SEC11C: variants seen among roughly 807,000 people sequenced by gnomAD.
SEC11C encodes the protein SEC11 homolog C, signal peptidase complex subunit.
A neutral mutation model predicts 21.9 loss-of-function variants in SEC11C; 10 were observed. That is an observed-to-expected ratio of 0.46 (90% CI 0.28 to 0.77). SEC11C has a LOEUF of 0.77. SEC11C is among the 30% of genes least tolerant of loss of function. The probability of loss-of-function intolerance (pLI) is 0.12; values close to 1 mark genes in which losing one functional copy is unlikely to be tolerated. For missense variants in SEC11C, 145 were observed against 244.5 expected (o/e 0.59, Z 2.71); for synonymous variants, 83 against 85.6 (o/e 0.97, Z 0.17).
rs1158114455 is a variant in SEC11C, at chr18:59,155,589, ATGCTCC to A, written c.348-96_348-91del. The A allele has an allele frequency of 1.2e-5, 16 of 1,295,002 alleles. No homozygotes were observed. The Admixed American group carries it at 3.6e-4, about 29-fold the overall frequency. The allele number at this position is 1,295,002 out of a possible 1,614,324, so 80.2% of individuals were successfully genotyped here. The stretch of plus-strand genomic sequence containing the variant: ...AGGTTATCTTTGACTGTTTTTCTAA[ATGCTCC>A]TGTCTGACAGTAAAGTCTTGAGTAA... On this transcript the variant is annotated intron_variant, in intron 3 of 5. Coordinates refer to ENST00000587834, the MANE Select transcript of SEC11C (RefSeq NM_033280.4).
At chr18:59,140,306 G>C (rs1333498498) in intron 1 of SEC11C, among the ~76,000 whole-genome samples, 1 of 152,246 alleles carries the variant, frequency 6.6e-6, no homozygotes, top group Non-Finnish European at 1.5e-5. Context: ...GGTTGAGAAT[G>C]CCACAGCCAC....
chr18:59,149,472 T>C, intron 1 of SEC11C, 41 bp from the exon 2 acceptor site: 1 of 1,318,710 alleles, frequency 7.6e-7, no homozygotes, highest in Non-Finnish European at 1.1e-6. Flanking sequence ...GTGGATCTTC[T>C]GCTATTGGTT....
At chr18:59,143,979 G>C (rs2069242385) in intron 1 of SEC11C, among the ~76,000 whole-genome samples, 1 of 151,928 alleles carries the variant, frequency 6.6e-6, no homozygotes, top group Non-Finnish European at 1.5e-5. Context: ...AGCCTCCCGA[G>C]TAGCTGGGAT....
intron 1 of SEC11C, among the ~76,000 whole-genome samples, chr18:59,145,359 CA>C (rs1181725791): frequency 6.6e-6 from 1 of 152,194 alleles, no homozygotes; most frequent in Non-Finnish European, 1.5e-5. Context: ...GCCCTTTACA[CA>C]AAAATTTGCT....
chr18:59,144,262 C>A (rs1285977745), intron 1 of SEC11C, among the ~76,000 whole-genome samples: 1 of 152,144 alleles, frequency 6.6e-6, no homozygotes, highest in African/African-American at 2.4e-5. Context: ...TCTCAACCTG[C>A]CTTTAGTTTA....
At chr18:59,153,488 GTGTT>G (rs2069383080) in intron 3 of SEC11C, 1 of 152,098 alleles carries the variant, frequency 6.6e-6, no homozygotes, top group African/African-American at 2.4e-5. Context: ...GTGTGTGTGT[GTGTT>G]TGAGTTTGAG....
At chr18:59,146,076 A>G (rs2069272376) in intron 1 of SEC11C, among the ~76,000 whole-genome samples, 1 of 152,192 alleles carries the variant, frequency 6.6e-6, no homozygotes, top group African/African-American at 2.4e-5. Flanking sequence ...CAGAGAATGG[A>G]TCAGAAGAGG....
chr18:59,150,247 T>G lies in SEC11C; in HGVS notation c.197+625T>G, dbSNP rs368205305. Among the ~76,000 whole-genome samples, 7 of 152,182 alleles carry G rather than the reference T, an allele frequency of 4.6e-5. No homozygotes were observed. The East Asian group carries it at 9.6e-4, about 21-fold the overall frequency. On this transcript the variant is annotated intron_variant, in intron 2 of 5. Transcript: ENST00000587834. ...GCTTCAAGACGCTGTCGGTCCAGTG[T>G]GTCTTAGGTCATCAAATCTGTTGTT... is the stretch of plus-strand genomic sequence containing the variant.
At chr18:59,152,450 C>CTA (rs763551607) in intron 2 of SEC11C, 86 bp from the exon 3 acceptor site, 477 of 1,405,832 alleles carry the variant, frequency 3.4e-4, no homozygotes, top group Non-Finnish European at 4.3e-4. Flanking sequence ...ACCTACTTGA[C>CTA]TATTGAGTTT....
chr18:59,157,806 T>C (rs1306773859), intron 5 of SEC11C, 141 bp downstream of exon 5: 1 of 625,958 alleles, frequency 1.6e-6, no homozygotes, highest in African/African-American at 1.8e-5. Flanking sequence ...TACAAATTAA[T>C]GTAGTCATTT....
intron 2 of SEC11C, among the ~76,000 whole-genome samples, 165 bp from the exon 3 acceptor site, chr18:59,152,371 C>T (rs998620298): frequency 6.6e-6 from 1 of 152,092 alleles, no homozygotes; most frequent in Non-Finnish European, 1.5e-5. Context: ...AAGTCATTTC[C>T]TTTCGCACAT....
At chr18:59,153,215 A>G (rs2069379659) in intron 3 of SEC11C, 2 of 152,202 alleles carry the variant, frequency 1.3e-5, no homozygotes, top group African/African-American at 2.4e-5. Context: ...CTACTCCCCA[A>G]ACAGCCTTGC....
intron 1 of SEC11C, among the ~76,000 whole-genome samples, chr18:59,143,944 C>T (rs1239819963): frequency 4.6e-5 from 7 of 151,714 alleles, no homozygotes; most frequent in Non-Finnish European, 1.0e-4. Flanking sequence ...CTCCGCCTCC[C>T]GGGTTCAAGC....
chr18:59,143,863 T>TTTTC (rs1568063539), intron 1 of SEC11C, among the ~76,000 whole-genome samples: 100 of 151,992 alleles, frequency 6.6e-4, no homozygotes, highest in Middle Eastern at 6.8e-3. Flanking sequence ...TTCTTTTTTT[T>TTTTC]TTTTTTGAGA....
At chr18:59,146,351 G>A (rs1012553035) in intron 1 of SEC11C, among the ~76,000 whole-genome samples, 1 of 152,066 alleles carries the variant, frequency 6.6e-6, no homozygotes, top group Non-Finnish European at 1.5e-5. Flanking sequence ...TTGAGGATGG[G>A]GTATCTTTAA....
Position 59,152,587 on chromosome 18 carries a change from T to C in SEC11C, c.249T>C (p.Asn83=), listed in dbSNP as rs756519698. Residue 83 remains asparagine, a synonymous_variant, in exon 3 of 6, where the codon AAT becomes AAC. Transcript: ENST00000587834. ...FHRGDLLFLT[N]FREDPIRAGE... ...GAGGAGACCTCCTGTTCCTCACAAA[T>C]TTCCGGGAAGACCCAATCAGAGCTG... 1 of 1,613,164 alleles carries C rather than the reference T, an allele frequency of 6.2e-7. No individual in the cohort carries two copies. Among genetic ancestry groups the C allele is most frequent in the Admixed American group, 1.7e-5 (1 of 59,632 alleles).
At chr18:59,148,308 C>T (rs759185902) in intron 1 of SEC11C, among the ~76,000 whole-genome samples, 4 of 152,216 alleles carry the variant, frequency 2.6e-5, no homozygotes, top group African/African-American at 4.8e-5. Flanking sequence ...GCCACAGCAG[C>T]GTTAGTCCCT....
At position 59,149,574 on chromosome 18, in the gene SEC11C, G is replaced by T. The variant is rs1390830981; in HGVS notation, c.149G>T (p.Gly50Val). The change falls in exon 2 of 6, where the codon GGC becomes GTC. Residue 50 changes from glycine to valine, a missense_variant. Gly to Val is a moderately radical substitution (Grantham distance 109). Coordinates refer to ENST00000587834, the MANE Select transcript of SEC11C (RefSeq NM_033280.4). Reference sequence around the variant, plus strand: ...TCTTCTGCACTCATGATATGGAAAGGCTTGATCGTGCTCACAGGCAGTGAG... The same window carrying T: ...TCTTCTGCACTCATGATATGGAAAGTCTTGATCGTGCTCACAGGCAGTGAG... ...IVSSALMIWKGLIVLTGSESP... is the reference protein window; with the variant it reads ...IVSSALMIWKVLIVLTGSESP... 1.9e-6 allele frequency: 3 copies of T among 1,613,214 alleles called. No homozygotes were observed. The highest frequency in any genetic ancestry group is 1.7e-5 in the Admixed American group (1 of 60,010).
chr18:59,158,239 A>C (rs1399468378), intron 5 of SEC11C, among the ~76,000 whole-genome samples: 1 of 152,114 alleles, frequency 6.6e-6, no homozygotes, highest in African/African-American at 2.4e-5. Flanking sequence ...TATTTTTAGT[A>C]GAGACGGGGT....
Sources: gnomAD v4.1 joint callset for allele counts (sites outside exome capture counted in the v4.1 genomes callset) on GRCh38, gnomAD v4.1.1 for gene constraint, MANE v1.5 for transcripts, NCBI Gene and HGNC (gene_info 2026-07-23, HGNC 2026-07-21) for gene names.